RYR2: variants seen among roughly 807,000 people sequenced by gnomAD.
RYR2 encodes ryanodine receptor 2, also known as cardiac muscle ryanodine receptor-calcium release channel.
RYR2 carries 227 observed loss-of-function variants against 601.1 expected under a neutral mutation model. The observed-to-expected ratio is 0.38, with a 90% CI of 0.34 to 0.42. The LOEUF is 0.42. RYR2 is among the 10% of genes least tolerant of loss of function. The pLI is 1.00. For synonymous variants in RYR2, 2,223 were observed against 2,175.1 expected, an observed-to-expected ratio of 1.02 and a Z score of -0.61; for missense variants, 4,646 against 6,156.5, an observed-to-expected ratio of 0.75 and a Z score of 8.21.
At chr1:237,076,863 G>C (rs1415270862) in intron 1 of RYR2, among the ~76,000 whole-genome samples, 1 of 20,716 alleles carries the variant, frequency 4.8e-5, no homozygotes, top group Non-Finnish European at 9.8e-5. Context: ...AAATGTTAAG[G>C]GCAGCCAGAG....
At chr1:237,579,846 C>T (rs959936716) in intron 29 of RYR2, among the ~76,000 whole-genome samples, 1 of 152,090 alleles carries the variant, frequency 6.6e-6, no homozygotes, top group African/African-American at 2.4e-5. Flanking sequence ...CAGAATATAT[C>T]ATACCGAATA....
intron 29 of RYR2, among the ~76,000 whole-genome samples, chr1:237,585,623 A>G (rs936628447): frequency 6.6e-6 from 1 of 152,238 alleles, no homozygotes; most frequent in Non-Finnish European, 1.5e-5. Context: ...TGTAGTTTCT[A>G]GAAATATTGG....
intron 1 of RYR2, among the ~76,000 whole-genome samples, chr1:237,237,945 C>CCTTTCCTTTCCTTTCCTTTCCTTT (rs1685739072): frequency 2.3e-4 from 8 of 35,528 alleles, no homozygotes; most frequent in Admixed American, 9.0e-4. Context: ...CTTTCCTTTC[C>CCTTTCCTTTCCTTTCCTTTCCTTT]CCTTTCCTTT....
intron 31 of RYR2, 114 bp from the exon 32 acceptor site, chr1:237,591,625 C>G (rs1240736790): frequency 1.3e-6 from 1 of 796,090 alleles, no homozygotes; most frequent in African/African-American, 1.7e-5. Flanking sequence ...CCCAGATGTC[C>G]CCCAGGGAGC....
At chr1:237,307,669 C>T (rs1694012088) in intron 2 of RYR2, among the ~76,000 whole-genome samples, 1 of 152,082 alleles carries the variant, frequency 6.6e-6, no homozygotes, top group South Asian at 2.1e-4. Flanking sequence ...ATATTCAGTG[C>T]TTTGACCCTT....
chr1:237,369,798 G>T (rs1444141341), intron 6 of RYR2, among the ~76,000 whole-genome samples, 190 bp downstream of exon 6: 1 of 152,108 alleles, frequency 6.6e-6, no homozygotes, highest in Non-Finnish European at 1.5e-5. Context: ...GACTTTTAAG[G>T]TCCTTTAATT....
chr1:237,719,291 T>C (rs1689514390), intron 73 of RYR2, among the ~76,000 whole-genome samples: 1 of 152,136 alleles, frequency 6.6e-6, no homozygotes, highest in Admixed American at 6.5e-5. Context: ...CGATCAGTAA[T>C]TAAATATATA....
intron 1 of RYR2, among the ~76,000 whole-genome samples, chr1:237,235,934 T>C (rs1228817132): frequency 6.6e-6 from 1 of 152,234 alleles, no homozygotes; most frequent in African/African-American, 2.4e-5. Flanking sequence ...CATACTCATA[T>C]TGGATGACAA....
At chr1:237,727,440 A>G (rs945842706) in intron 76 of RYR2, among the ~76,000 whole-genome samples, 4 of 152,140 alleles carry the variant, frequency 2.6e-5, no homozygotes, top group African/African-American at 9.7e-5. Context: ...GAGGCAAGAG[A>G]GAGTCATTAG....
chr1:237,695,579 C>T (rs997409330), intron 63 of RYR2, among the ~76,000 whole-genome samples: 22 of 152,260 alleles, frequency 1.4e-4, no homozygotes, highest in African/African-American at 5.3e-4. Flanking sequence ...CAAAACTCTG[C>T]TGGCCCTTCC....
chr1:237,774,532 T>G (rs1694507798), intron 87 of RYR2, among the ~76,000 whole-genome samples: 1 of 152,178 alleles, frequency 6.6e-6, no homozygotes, highest in South Asian at 2.1e-4. Flanking sequence ...AGCATGGCAC[T>G]TTTTCTATTT....
At chr1:237,553,006 G>C (rs760918596) in intron 27 of RYR2, among the ~76,000 whole-genome samples, 8 of 151,956 alleles carry the variant, frequency 5.3e-5, no homozygotes, top group Non-Finnish European at 8.8e-5. Context: ...AACCATGTCA[G>C]GTATGGAAGG....
chr1:237,706,608 A>C (rs1688401420), intron 67 of RYR2, among the ~76,000 whole-genome samples: 1 of 152,100 alleles, frequency 6.6e-6, no homozygotes, highest in Non-Finnish European at 1.5e-5. Context: ...GGACTTCAAA[A>C]CTTCCTCGAA....
chr1:237,424,474 T>A (rs1002057723), intron 12 of RYR2, among the ~76,000 whole-genome samples: 1 of 152,180 alleles, frequency 6.6e-6, no homozygotes. Context: ...GCTGGCCCAA[T>A]TCAAGTTGGA....
At chr1:237,445,591 G>A (rs1708258605) in intron 14 of RYR2, 69 bp downstream of exon 14, 1 of 1,576,866 alleles carries the variant, frequency 6.3e-7, no homozygotes, top group Non-Finnish European at 8.7e-7. Flanking sequence ...TATGCAAATA[G>A]ACAATTTAAA....
chr1:237,243,093 C>G (rs1686382529), intron 1 of RYR2, among the ~76,000 whole-genome samples: 1 of 151,948 alleles, frequency 6.6e-6, no homozygotes, highest in African/African-American at 2.4e-5. Flanking sequence ...CTATTTTCCC[C>G]TGCTGTCACA....
rs930769080 is a variant in RYR2, at chr1:237,387,320, G to C, written c.616G>C (p.Ala206Pro). 1.9e-6 allele frequency: 3 copies of C among 1,613,968 alleles called. No homozygotes were observed. In the East Asian group the frequency reaches 6.7e-5, roughly 36 times the overall value. Residue 206 changes from alanine (A) to proline (P), a missense_variant, in exon 9 of 105, where the codon GCT (alanine) becomes CCT (proline). By Grantham distance (27) the Ala-to-Pro change is conservative (BLOSUM62 -1). Coordinates refer to ENST00000366574, the MANE Select transcript of RYR2 (RefSeq NM_001035.3). ...CAACGGCAGCTTACACGTGGATGCC[G>C]CTTTCCAGCAGACTCTCTGGAGCGT... The part of the protein sequence containing the change: ...YGNGSLHVDA[A>P]FQQTLWSVAP...
At chr1:237,459,208 G>T (rs1345709678) in intron 16 of RYR2, among the ~76,000 whole-genome samples, 1 of 152,156 alleles carries the variant, frequency 6.6e-6, no homozygotes, top group Non-Finnish European at 1.5e-5. Context: ...GGTATAAGAT[G>T]AATTTCTTGG....
chr1:237,648,154 T>C (rs1181354057), intron 48 of RYR2, among the ~76,000 whole-genome samples: 4 of 152,212 alleles, frequency 2.6e-5, no homozygotes, highest in African/African-American at 9.6e-5. Context: ...TTTTAGAAAG[T>C]AGATTTTGGA....
Sources: gnomAD v4.1 joint callset for allele counts (sites outside exome capture counted in the v4.1 genomes callset) on GRCh38, gnomAD v4.1.1 for gene constraint, MANE v1.5 for transcripts, NCBI Gene and HGNC (gene_info 2026-07-23, HGNC 2026-07-21) for gene names.